Variants in GALNT13 observed in about 807,000 individuals in gnomAD.
The protein encoded by GALNT13 is polypeptide N-acetylgalactosaminyltransferase 13.
Under a neutral mutation model 64.2 loss-of-function variants are expected in GALNT13, and 28 were observed. The observed-to-expected ratio is 0.44, with a 90% CI of 0.32 to 0.60. GALNT13 has a LOEUF of 0.60. GALNT13 is among the 20% of genes least tolerant of loss of function. GALNT13 has a pLI of 0.05. For missense variants in GALNT13, 577 were observed against 669.8 expected, an observed-to-expected ratio of 0.86 and a Z score of 1.53; for synonymous variants, 214 against 224.6, an observed-to-expected ratio of 0.95 and a Z score of 0.42.
chr2:153,953,004 T>G (rs76969388), intron 3 of GALNT13, among the ~76,000 whole-genome samples: 9,327 of 152,134 alleles, frequency 0.061, 589 homozygotes, highest in African/African-American at 0.16. Context: ...TGGCAGCGGA[T>G]TAGATGGTGC....
chr2:154,312,064 T>C (rs1203957488), intron 9 of GALNT13, among the ~76,000 whole-genome samples: 1 of 152,134 alleles, frequency 6.6e-6, no homozygotes, highest in Non-Finnish European at 1.5e-5. Context: ...TATACATCCT[T>C]CTCGGCTGAC....
chr2:153,190,892 T>C, the GALNT13 span, among the ~76,000 whole-genome samples: 1 of 152,138 alleles, frequency 6.6e-6, no homozygotes, highest in Non-Finnish European at 1.5e-5. Flanking sequence ...TATTGGTATA[T>C]ATAAATGCTA....
In GALNT13 at chr2:154,020,518, A is replaced by G. The variant is rs1428324348; in HGVS notation, c.142+75879A>G. Among the ~76,000 whole-genome samples, 8 of 152,180 alleles carry G rather than the reference A, an allele frequency of 5.3e-5. No homozygotes were observed. The South Asian group carries it at 1.7e-3, about 32-fold the overall frequency. Reference sequence around the variant, plus strand: ...GTCTTCTTTTGAGAAGTGTCTGTTCATATCTTTCGCCCACTTTTTGATGGG... The same window carrying G: ...GTCTTCTTTTGAGAAGTGTCTGTTCGTATCTTTCGCCCACTTTTTGATGGG... On this transcript the variant is annotated intron_variant, in intron 3 of 12. Transcript: ENST00000392825.
At chr2:154,177,858 A>G (rs761895241) in intron 4 of GALNT13, among the ~76,000 whole-genome samples, 32 of 152,176 alleles carry the variant, frequency 2.1e-4, no homozygotes, top group Non-Finnish European at 4.4e-4. Flanking sequence ...TCTGCAGCTG[A>G]GTAGTAGCTA....
chr2:153,095,420 A>G, the GALNT13 span, among the ~76,000 whole-genome samples: 2 of 151,988 alleles, frequency 1.3e-5, no homozygotes. Context: ...GAGAAATAGG[A>G]ACTTTTACAC....
the GALNT13 span, among the ~76,000 whole-genome samples, chr2:153,703,021 G>T: frequency 2.0e-5 from 3 of 152,056 alleles, no homozygotes; most frequent in East Asian, 3.9e-4. Flanking sequence ...AGGGAAGTGG[G>T]GTCTCCTGGA....
chr2:153,586,091 AC>A, the GALNT13 span, among the ~76,000 whole-genome samples: 3 of 152,158 alleles, frequency 2.0e-5, no homozygotes, highest in East Asian at 5.8e-4. Flanking sequence ...GAATCAAATG[AC>A]ACCACTACAG....
chr2:153,900,707 CTCTT>C (rs1425643013), intron 1 of GALNT13, among the ~76,000 whole-genome samples: 1 of 152,084 alleles, frequency 6.6e-6, no homozygotes, highest in Non-Finnish European at 1.5e-5. Flanking sequence ...CTTCTCTTAC[CTCTT>C]TCTTCAAAGT....
At chr2:153,960,162 C>T (rs993311949) in intron 3 of GALNT13, among the ~76,000 whole-genome samples, 1 of 152,220 alleles carries the variant, frequency 6.6e-6, no homozygotes, top group Non-Finnish European at 1.5e-5. Flanking sequence ...CTCTCCGATC[C>T]TCAGTCTGCT....
intron 8 of GALNT13, among the ~76,000 whole-genome samples, chr2:154,267,033 ATAAACT>A (rs1234927290): frequency 1.3e-5 from 2 of 152,128 alleles, no homozygotes; most frequent in African/African-American, 4.8e-5. Flanking sequence ...AAATCTGGAA[ATAAACT>A]TAACACATAC....
At chr2:154,263,104 A>G (rs1368512671) in intron 8 of GALNT13, among the ~76,000 whole-genome samples, 1 of 152,156 alleles carries the variant, frequency 6.6e-6, no homozygotes, top group East Asian at 1.9e-4. Context: ...ATGGGAAAAA[A>G]TAAATAAAGG....
At chr2:154,024,990 G>A (rs572877123) in intron 3 of GALNT13, among the ~76,000 whole-genome samples, 12 of 152,262 alleles carry the variant, frequency 7.9e-5, no homozygotes, top group African/African-American at 2.2e-4. Flanking sequence ...TAACAGCAGC[G>A]GTGGCTGCAG....
At chr2:154,216,823 T>C (rs1228277052) in intron 4 of GALNT13, among the ~76,000 whole-genome samples, 1 of 148,210 alleles carries the variant, frequency 6.7e-6, no homozygotes, top group Non-Finnish European at 1.5e-5. Flanking sequence ...TTTTTTTTTT[T>C]TTTTGAGACA....
the GALNT13 span, among the ~76,000 whole-genome samples, chr2:153,468,736 TA>T: frequency 1.3e-5 from 2 of 152,024 alleles, no homozygotes; most frequent in African/African-American, 4.8e-5. Context: ...ATTGAGAAAA[TA>T]TCAAAAATCT....
the GALNT13 span, among the ~76,000 whole-genome samples, chr2:153,253,778 T>C: frequency 2.6e-5 from 4 of 150,972 alleles, no homozygotes; most frequent in Non-Finnish European, 5.9e-5. Flanking sequence ...CATTTATTGA[T>C]TTGCGTATAT....
the GALNT13 span, among the ~76,000 whole-genome samples, chr2:153,133,127 C>A: frequency 6.6e-5 from 10 of 150,752 alleles, no homozygotes; most frequent in African/African-American, 2.4e-4. Context: ...AAATCCACTT[C>A]CTGCTGTAAG....
At chr2:153,631,261 C>T in the GALNT13 span, among the ~76,000 whole-genome samples, 7 of 152,118 alleles carry the variant, frequency 4.6e-5, no homozygotes, top group Admixed American at 4.6e-4. Flanking sequence ...AATAATGCTG[C>T]AATAAACATA....
At chr2:153,268,388 C>T in the GALNT13 span, among the ~76,000 whole-genome samples, 1 of 152,216 alleles carries the variant, frequency 6.6e-6, no homozygotes. Context: ...CCAGGCCACA[C>T]TGATGCAACA....
At chr2:154,013,459 A>G (rs1256992735) in intron 3 of GALNT13, among the ~76,000 whole-genome samples, 1 of 152,140 alleles carries the variant, frequency 6.6e-6, no homozygotes, top group African/African-American at 2.4e-5. Context: ...CAGTGGTATC[A>G]GTGCTCACCT....
Sources: allele counts gnomAD v4.1 joint callset (sites outside exome capture counted in the v4.1 genomes callset), GRCh38; gene constraint gnomAD v4.1.1; transcripts MANE v1.5; gene names NCBI Gene and HGNC (gene_info 2026-07-23, HGNC 2026-07-21).